The following CLIC5 variants were observed in gnomAD, a reference collection of about 807,000 sequenced individuals.
CLIC5 encodes the protein CLIC family member 5, also known as chloride intracellular channel protein 5.
A neutral mutation model predicts 24.7 loss-of-function variants in CLIC5; 20 were observed. That is an observed-to-expected ratio of 0.81 (90% CI 0.57 to 1.18). The LOEUF (loss-of-function observed/expected upper bound fraction) is 1.18. Ranked by LOEUF, CLIC5 falls within the 50% of genes most tolerant of loss-of-function variation. The pLI is 0.00. For missense variants in CLIC5, 341 were observed against 326.1 expected (o/e 1.05, Z -0.35); for synonymous variants, 159 against 135.6 (o/e 1.17, Z -1.20).
chr6:45,961,865 C>T (rs1337190204), intron 1 of CLIC5, among the ~76,000 whole-genome samples: 1 of 152,112 alleles, frequency 6.6e-6, no homozygotes, highest in Non-Finnish European at 1.5e-5. Context: ...AACAGGTATA[C>T]ATTTGAGGCT....
At chr6:45,967,050 T>C (rs1765038698) in intron 1 of CLIC5, among the ~76,000 whole-genome samples, 1 of 152,214 alleles carries the variant, frequency 6.6e-6, no homozygotes, top group African/African-American at 2.4e-5. Flanking sequence ...ACCACATTTG[T>C]TCTCTCCAGC....
intron 1 of CLIC5, among the ~76,000 whole-genome samples, chr6:46,037,602 T>C (rs1444045663): frequency 6.6e-6 from 1 of 152,226 alleles, no homozygotes; most frequent in Non-Finnish European, 1.5e-5. Flanking sequence ...TGAAGTAAGA[T>C]AATATGGGTA....
At chr6:45,997,102 G>T (rs1180839099) in intron 1 of CLIC5, among the ~76,000 whole-genome samples, 2 of 151,188 alleles carry the variant, frequency 1.3e-5, no homozygotes, top group Admixed American at 1.3e-4. Flanking sequence ...TTGGAACCAA[G>T]CCAAATGTCC....
At chr6:45,974,925 T>G (rs1419362353) in intron 1 of CLIC5, among the ~76,000 whole-genome samples, 1 of 152,132 alleles carries the variant, frequency 6.6e-6, no homozygotes, top group Admixed American at 6.6e-5. Flanking sequence ...CAAGGAAGTT[T>G]TGCCTCAAAG....
At chr6:46,109,403 G>T in the CLIC5 span, among the ~76,000 whole-genome samples, 1 of 151,670 alleles carries the variant, frequency 6.6e-6, no homozygotes, top group South Asian at 2.1e-4. Context: ...TGTTCTGCCT[G>T]GTGCGGTGGC....
At chr6:46,065,976 T>C (rs1277782994) in intron 1 of CLIC5, among the ~76,000 whole-genome samples, 1 of 152,218 alleles carries the variant, frequency 6.6e-6, no homozygotes, top group African/African-American at 2.4e-5. Flanking sequence ...GTATAATGCA[T>C]TTGTGTCAAA....
intron 1 of CLIC5, among the ~76,000 whole-genome samples, chr6:46,070,024 C>T (rs1219862992): frequency 2.6e-5 from 4 of 152,052 alleles, no homozygotes; most frequent in Non-Finnish European, 5.9e-5. Flanking sequence ...ATTCAACATC[C>T]CTTCATGTTA....
chr6:45,924,441 G>T (rs1052329418), intron 4 of CLIC5, among the ~76,000 whole-genome samples: 2 of 152,146 alleles, frequency 1.3e-5, no homozygotes, highest in African/African-American at 4.8e-5. Flanking sequence ...ATTACAGTTT[G>T]TGGGGAGAAG....
intron 1 of CLIC5, among the ~76,000 whole-genome samples, chr6:45,994,813 C>A (rs954822705): frequency 1.3e-5 from 2 of 152,084 alleles, no homozygotes; most frequent in Admixed American, 1.3e-4. Flanking sequence ...CTTGACACTT[C>A]CTATCCTTGA....
chr6:46,088,156 T>C, the CLIC5 span, among the ~76,000 whole-genome samples: 1 of 134,972 alleles, frequency 7.4e-6, no homozygotes, highest in South Asian at 2.7e-4. Flanking sequence ...TCTCTCGCTC[T>C]CTTTCTGTGT....
chr6:45,887,286 G>A (rs1314400983), intron 6 of CLIC5, among the ~76,000 whole-genome samples: 1 of 152,150 alleles, frequency 6.6e-6, no homozygotes, highest in Non-Finnish European at 1.5e-5. Context: ...TGTTGGTGGG[G>A]TTACACTTTT....
In CLIC5 at chr6:45,947,326, CAG is replaced by C. The variant is rs149248022; in HGVS notation, c.299+1928_299+1929del. Among the ~76,000 whole-genome samples, 859 of 152,220 alleles carry C rather than the reference CAG, an allele frequency of 5.6e-3. 9 individuals are homozygous for C. The highest frequency in any genetic ancestry group is 0.019 in the African/African-American group (790 of 41,520). ...CCTGGCTAAAGGGCATGTGAAGAAT[CAG>C]AGAGCAAGAAGGGCTCTGGGAGATA... On this transcript the variant is annotated intron_variant, in intron 3 of 5. Coordinates refer to ENST00000339561, the MANE Select transcript of CLIC5 (RefSeq NM_016929.5).
At chr6:45,977,205 C>A (rs1765414121) in intron 1 of CLIC5, among the ~76,000 whole-genome samples, 1 of 151,824 alleles carries the variant, frequency 6.6e-6, no homozygotes, top group Non-Finnish European at 1.5e-5. Flanking sequence ...ACTTTGTGGC[C>A]TTTTGGATTT....
At chr6:45,943,154 T>C (rs1280866849) in intron 3 of CLIC5, among the ~76,000 whole-genome samples, 1 of 152,268 alleles carries the variant, frequency 6.6e-6, no homozygotes, top group Non-Finnish European at 1.5e-5. Flanking sequence ...ATAGAGAGGT[T>C]AAGCAATTTG....
chr6:46,039,685 G>A (rs1767754380), intron 1 of CLIC5, among the ~76,000 whole-genome samples: 1 of 152,146 alleles, frequency 6.6e-6, no homozygotes, highest in Non-Finnish European at 1.5e-5. Flanking sequence ...TTAAAAAATT[G>A]TAAGTTATAA....
chr6:45,957,717 G>T (rs1764692010), intron 1 of CLIC5, among the ~76,000 whole-genome samples: 1 of 152,182 alleles, frequency 6.6e-6, no homozygotes, highest in Non-Finnish European at 1.5e-5. Context: ...AATATGCGAG[G>T]ATGCTACCAT....
chr6:46,041,058 T>C (rs1767794234), intron 1 of CLIC5, among the ~76,000 whole-genome samples: 1 of 152,062 alleles, frequency 6.6e-6, no homozygotes, highest in Non-Finnish European at 1.5e-5. Context: ...ACTAAGAAAA[T>C]TGTGATACAT....
intron 1 of CLIC5, chr6:46,014,653 T>A (rs893643944): frequency 2.0e-5 from 3 of 152,244 alleles, no homozygotes; most frequent in Non-Finnish European, 4.4e-5. Context: ...GATCAAATGT[T>A]TCTTTCTCCT....
At chr6:46,118,918 G>A in the CLIC5 span, among the ~76,000 whole-genome samples, 3 of 152,162 alleles carry the variant, frequency 2.0e-5, no homozygotes, top group Admixed American at 6.5e-5. Flanking sequence ...CATCTAGGTA[G>A]GCCCAATGTG....
Sources: allele counts gnomAD v4.1 joint callset (sites outside exome capture counted in the v4.1 genomes callset), GRCh38; gene constraint gnomAD v4.1.1; transcripts MANE v1.5; gene names NCBI Gene and HGNC (gene_info 2026-07-23, HGNC 2026-07-21).